The following CRPPA variants were observed in gnomAD, a reference collection of about 807,000 sequenced individuals.
CRPPA encodes CDP-L-ribitol pyrophosphorylase A, also known as D-ribitol-5-phosphate cytidylyltransferase.
Under a neutral mutation model 52.0 loss-of-function variants are expected in CRPPA, and 43 were observed. The observed-to-expected ratio is 0.83, with a 90% CI of 0.65 to 1.07. CRPPA has a LOEUF of 1.07. Among genes scored for constraint, CRPPA ranks in the 50% least tolerant of loss-of-function variants. The pLI, the probability that CRPPA is intolerant of heterozygous loss-of-function variation, is 0.00. For synonymous variants in CRPPA, 250 were observed against 203.5 expected, an observed-to-expected ratio of 1.23 and a Z score of -1.94; for missense variants, 629 against 551.7, an observed-to-expected ratio of 1.14 and a Z score of -1.40.
chr7:16,387,976 T>A (rs1253244999), intron 2 of CRPPA, among the ~76,000 whole-genome samples: 1 of 152,160 alleles, frequency 6.6e-6, no homozygotes, highest in Non-Finnish European at 1.5e-5. Flanking sequence ...GGAAACTAAT[T>A]TATTCTTTTC....
At chr7:16,212,832 G>A (rs1782186692) in intron 9 of CRPPA, among the ~76,000 whole-genome samples, 1 of 152,190 alleles carries the variant, frequency 6.6e-6, no homozygotes, top group Non-Finnish European at 1.5e-5. Flanking sequence ...TTTTTCCAGT[G>A]TGGAGGGCAA....
chr7:16,290,504 A>G (rs1377854543), intron 5 of CRPPA, among the ~76,000 whole-genome samples: 1 of 152,126 alleles, frequency 6.6e-6, no homozygotes, highest in Non-Finnish European at 1.5e-5. Context: ...CCACATATTT[A>G]CAGTCAACTG....
intron 9 of CRPPA, among the ~76,000 whole-genome samples, chr7:16,149,972 C>T (rs1783046115): frequency 6.8e-6 from 1 of 146,474 alleles, no homozygotes; most frequent in Non-Finnish European, 1.5e-5. Context: ...GGTGACACAG[C>T]GAGAGTCATT....
At chr7:16,367,775 A>C (rs1403378069) in intron 3 of CRPPA, among the ~76,000 whole-genome samples, 1 of 152,178 alleles carries the variant, frequency 6.6e-6, no homozygotes, top group Non-Finnish European at 1.5e-5. Context: ...AAGCGACGGG[A>C]ATCTTTAAAA....
chr7:16,368,029 A>G (rs1786655000), intron 3 of CRPPA, among the ~76,000 whole-genome samples: 1 of 152,188 alleles, frequency 6.6e-6, no homozygotes, highest in Admixed American at 6.5e-5. Flanking sequence ...TTCTCTATGT[A>G]CAAAAACCTT....
chr7:16,241,908 G>A (rs112199066), intron 8 of CRPPA, among the ~76,000 whole-genome samples: 1,932 of 147,676 alleles, frequency 0.013, 58 homozygotes, highest in African/African-American at 0.045. Context: ...AGATTCTTAC[G>A]GCCTATAAAT....
chr7:16,104,603 T>TA (rs1782111580), intron 9 of CRPPA, among the ~76,000 whole-genome samples: 1 of 152,096 alleles, frequency 6.6e-6, no homozygotes, highest in African/African-American at 2.4e-5. Context: ...TATTTTGAAT[T>TA]AAAAATCTCA....
At chr7:16,342,763 C>CAAAAAAA (rs368521163) in intron 3 of CRPPA, among the ~76,000 whole-genome samples, 4 of 64,960 alleles carry the variant, frequency 6.2e-5, no homozygotes, top group African/African-American at 1.8e-4. Flanking sequence ...CCTGTCTCCA[C>CAAAAAAA]AAAAAAAAAA....
chr7:16,417,364 A>C (rs1235823958), intron 1 of CRPPA, among the ~76,000 whole-genome samples: 1 of 152,212 alleles, frequency 6.6e-6, no homozygotes, highest in Non-Finnish European at 1.5e-5. Context: ...AGTGCTATTC[A>C]CAATAGCAAA....
rs983136356 is a variant in CRPPA at position 16,089,230 on chromosome 7, G to A, written c.*2465C>T. ...TACGTATATACATATATGTGTGTAT[G>A]CGTACGTATATACATATATGTGTGT... On this transcript the variant is annotated 3_prime_UTR_variant, in exon 10 of 10. Transcript: ENST00000407010. 4.6e-5 allele frequency: 17 copies of A among 371,214 alleles called. No individual in the cohort carries two copies. Among genetic ancestry groups the A allele is most frequent in the East Asian group, 2.3e-4 (3 of 13,072 alleles). 23.0% of individuals were successfully genotyped at this position (371,214 alleles called of 1,614,324 possible).
At position 16,133,652 on chromosome 7, in the gene CRPPA, T is replaced by G. The variant is rs926034833; in HGVS notation, c.1252-41853A>C. On this transcript the variant is annotated intron_variant, in intron 9 of 9. Coordinates refer to ENST00000407010, the MANE Select transcript of CRPPA (RefSeq NM_001101426.4). ...TAGGTATTTTTCATCATGTTTAGTCTAATACTGTAAACCTTGCATAACACC... is the reference window on the plus strand; with the variant it reads ...TAGGTATTTTTCATCATGTTTAGTCGAATACTGTAAACCTTGCATAACACC... 7.3e-5 allele frequency among the ~76,000 whole-genome samples: 9 copies of G among 124,108 alleles called. 1 individual carries two copies. The highest frequency in any genetic ancestry group is 2.3e-4 in the African/African-American group (9 of 38,382). The allele number at this position is 124,108 out of a possible 152,430, so 81.4% of individuals were successfully genotyped here. A position where few individuals can be genotyped will look rare whatever the true frequency, so the allele number is the denominator to read the frequency against.
chr7:16,355,738 T>G (rs1034240790), intron 3 of CRPPA, among the ~76,000 whole-genome samples: 1 of 152,158 alleles, frequency 6.6e-6, no homozygotes, highest in African/African-American at 2.4e-5. Context: ...CTACCAACAC[T>G]GACTGATAGA....
intron 9 of CRPPA, among the ~76,000 whole-genome samples, chr7:16,159,685 T>C (rs185733388): frequency 6.6e-6 from 1 of 152,374 alleles, no homozygotes; most frequent in East Asian, 1.9e-4. Context: ...GCATGTGTCT[T>C]CATAGCAGAA....
intron 2 of CRPPA, among the ~76,000 whole-genome samples, chr7:16,387,578 T>G (rs892182188): frequency 2.6e-5 from 4 of 152,148 alleles, no homozygotes; most frequent in Non-Finnish European, 4.4e-5. Context: ...TTTTTAAATC[T>G]ATCACATGCT....
At chr7:16,414,936 A>G (rs1003842776) in intron 1 of CRPPA, among the ~76,000 whole-genome samples, 2 of 152,232 alleles carry the variant, frequency 1.3e-5, no homozygotes, top group Non-Finnish European at 2.9e-5. Context: ...ACACACATTC[A>G]TGTATACTAA....
chr7:16,337,150 T>C (rs1431210577), intron 3 of CRPPA, among the ~76,000 whole-genome samples: 1 of 152,090 alleles, frequency 6.6e-6, no homozygotes, highest in Admixed American at 6.5e-5. Context: ...TAGAGAACAT[T>C]CGGTCCAACG....
At chr7:16,324,322 G>C (rs1463152540) in intron 3 of CRPPA, among the ~76,000 whole-genome samples, 2 of 152,218 alleles carry the variant, frequency 1.3e-5, no homozygotes, top group East Asian at 1.9e-4. Flanking sequence ...AGGATGGTCT[G>C]ACGACACTAG....
intron 1 of CRPPA, among the ~76,000 whole-genome samples, chr7:16,407,004 C>G (rs766340779): frequency 6.6e-6 from 1 of 152,190 alleles, no homozygotes; most frequent in Admixed American, 6.5e-5. Context: ...AAGACAGAGT[C>G]TCACTCTGTG....
chr7:16,421,452 CGCCCCCCTCAGCCGTCGGA>C lies in CRPPA; in HGVS notation c.-149_-131del, dbSNP rs1465190242. 25 of 946,512 alleles carry C rather than the reference CGCCCCCCTCAGCCGTCGGA, an allele frequency of 2.6e-5. No individual in the cohort carries two copies. The highest frequency in any genetic ancestry group is 3.4e-5 in the Non-Finnish European group (25 of 735,792). 58.6% of individuals were successfully genotyped at this position (946,512 alleles called of 1,614,324 possible). On this transcript the variant is annotated 5_prime_UTR_variant, in exon 1 of 10. Coordinates refer to ENST00000407010, the MANE Select transcript of CRPPA (RefSeq NM_001101426.4). ...GGACGCAGAGCGCGCAAGCAGAAGGCGCCCCCCTCAGCCGTCGGAGCCCCGCTGTTGCTGCCCCGCAGGG... is the reference window on the plus strand; with the variant it reads ...GGACGCAGAGCGCGCAAGCAGAAGGCGCCCCGCTGTTGCTGCCCCGCAGGG...
Sources: allele counts gnomAD v4.1 joint callset (sites outside exome capture counted in the v4.1 genomes callset), GRCh38; gene constraint gnomAD v4.1.1; transcripts MANE v1.5; gene names NCBI Gene and HGNC (gene_info 2026-07-23, HGNC 2026-07-21).